MCU: variants seen among roughly 807,000 people sequenced by gnomAD.
The protein encoded by MCU is mitochondrial calcium uniporter.
A neutral mutation model predicts 45.2 loss-of-function variants in MCU; 12 were observed. The ratio of observed to expected loss-of-function variants is 0.27; its 90% CI spans 0.17 to 0.43. MCU has a LOEUF of 0.43. Among genes scored for constraint, MCU ranks in the 20% least tolerant of loss-of-function variants. The pLI, the probability that MCU is intolerant of heterozygous loss-of-function variation, is 1.00. For missense variants in MCU, 324 were observed against 436.7 expected (o/e 0.74, Z 2.30); for synonymous variants, 160 against 165.1 (o/e 0.97, Z 0.24).
chr10:72,696,901 A>G (rs1212879901), intron 1 of MCU, among the ~76,000 whole-genome samples: 1 of 152,064 alleles, frequency 6.6e-6, no homozygotes, highest in Non-Finnish European at 1.5e-5. Context: ...TTGGTTGTAT[A>G]TTACACTTCT....
At chr10:72,770,921 G>T (rs1843797298) in intron 1 of MCU, among the ~76,000 whole-genome samples, 1 of 151,338 alleles carries the variant, frequency 6.6e-6, no homozygotes, top group South Asian at 2.1e-4. Context: ...CTTTGTATTT[G>T]AATTACTTTT....
At chr10:72,772,292 C>T (rs1222236537) in intron 1 of MCU, among the ~76,000 whole-genome samples, 1 of 152,222 alleles carries the variant, frequency 6.6e-6, no homozygotes, top group East Asian at 1.9e-4. Context: ...CTGGGATAAT[C>T]CCTTTGGGAC....
At chr10:72,722,628 G>T (rs560671783) in intron 1 of MCU, among the ~76,000 whole-genome samples, 2 of 151,636 alleles carry the variant, frequency 1.3e-5, no homozygotes, top group Admixed American at 6.6e-5. Context: ...TTTTTCAGGG[G>T]TAACTTTGAC....
At chr10:72,726,831 C>G (rs554484480) in intron 1 of MCU, among the ~76,000 whole-genome samples, 1 of 152,186 alleles carries the variant, frequency 6.6e-6, no homozygotes, top group African/African-American at 2.4e-5. Context: ...ATATAGTCTT[C>G]TTATAGTTGT....
At position 72,823,191 on chromosome 10, in the gene MCU, A is replaced by T. The variant is rs116731117; in HGVS notation, c.151-11168A>T. On this transcript the variant is annotated intron_variant, in intron 1 of 7. Coordinates refer to ENST00000373053, the MANE Select transcript of MCU (RefSeq NM_138357.3). Reference sequence around the variant, plus strand: ...GGAATATTATTTGGCAATAAAAAGGAATTAAGTACCAATATGTGCTACAAC... The same window carrying T: ...GGAATATTATTTGGCAATAAAAAGGTATTAAGTACCAATATGTGCTACAAC... 9.9e-3 allele frequency among the ~76,000 whole-genome samples: 1,506 copies of T among 152,336 alleles called. 26 individuals are homozygous for T. Among genetic ancestry groups the T allele is most frequent in the African/African-American group, 0.035 (1,458 of 41,566 alleles).
intron 2 of MCU, among the ~76,000 whole-genome samples, chr10:72,834,900 C>T (rs1239516751): frequency 6.6e-6 from 1 of 152,186 alleles, no homozygotes; most frequent in Non-Finnish European, 1.5e-5. Flanking sequence ...GATCCGCCCA[C>T]CTCGGCCTCC....
chr10:72,704,704 A>ATTTTTT (rs1162093579), intron 1 of MCU, among the ~76,000 whole-genome samples: 1 of 106,746 alleles, frequency 9.4e-6, no homozygotes, highest in African/African-American at 4.4e-5. Context: ...TGCCTGGATA[A>ATTTTTT]TTTTTTTTTT....
chr10:72,796,041 T>C (rs1349628251), intron 1 of MCU, among the ~76,000 whole-genome samples: 2 of 152,080 alleles, frequency 1.3e-5, no homozygotes, highest in Non-Finnish European at 2.9e-5. Flanking sequence ...TAGAGCTCAC[T>C]GATCCACCAA....
chr10:72,715,122 C>T (rs1221981368), intron 1 of MCU: 1 of 976,656 alleles, frequency 1.0e-6, no homozygotes, highest in Admixed American at 6.2e-5. Context: ...TCTTTCACTA[C>T]CATTCCTACA....
chr10:72,853,899 T>C, intron 2 of MCU, among the ~76,000 whole-genome samples: 1 of 152,052 alleles, frequency 6.6e-6, no homozygotes, highest in Non-Finnish European at 1.5e-5. Flanking sequence ...TTTGGGAGGC[T>C]GAGGCAGGTG....
At chr10:72,823,097 A>G (rs1844739081) in intron 1 of MCU, among the ~76,000 whole-genome samples, 1 of 152,228 alleles carries the variant, frequency 6.6e-6, no homozygotes, top group African/African-American at 2.4e-5. Context: ...TAATAGCTAA[A>G]AAGTGGAAAC....
intron 1 of MCU, among the ~76,000 whole-genome samples, chr10:72,797,367 G>C: frequency 6.6e-6 from 1 of 151,028 alleles, no homozygotes; most frequent in Non-Finnish European, 1.5e-5. Context: ...GGGATTGCAG[G>C]TGTAAACCAC....
intron 1 of MCU, among the ~76,000 whole-genome samples, chr10:72,822,601 A>G (rs1392895480): frequency 6.6e-6 from 1 of 152,352 alleles, no homozygotes; most frequent in South Asian, 2.1e-4. Context: ...AAGATGCTCA[A>G]CATCATTACT....
intron 4 of MCU, among the ~76,000 whole-genome samples, chr10:72,864,315 G>A (rs1053777867): frequency 6.6e-5 from 10 of 152,130 alleles, no homozygotes; most frequent in African/African-American, 2.4e-4. Flanking sequence ...GGACCCATAC[G>A]AAGTGCTACC....
chr10:72,714,368 T>TTA (rs56322032), intron 1 of MCU, among the ~76,000 whole-genome samples: 1 of 138,280 alleles, frequency 7.2e-6, no homozygotes, highest in East Asian at 2.0e-4. Context: ...TTTTTTTTTT[T>TTA]AAAGAGATGG....
At position 72,868,817 on chromosome 10, in the gene MCU, T is replaced by C. The variant is rs1425903115; in HGVS notation, c.611T>C (p.Ile204Thr). The C allele has an allele frequency of 3.7e-6, 6 of 1,614,050 alleles. No individual in the cohort carries two copies. Among genetic ancestry groups the C allele is most frequent in the East Asian group, 2.2e-5 (1 of 44,892 alleles). Residue 204 changes from isoleucine to threonine, a missense_variant, in exon 5 of 8, where the codon ATT becomes ACT. Transcript: ENST00000373053. ...QHQLNKEREL[I>T]ERLEDLKEQL... is the part of the protein sequence containing the mutation. ...CAGTTAAACAAGGAAAGGGAGCTTA[T>C]TGAAAGACTAGAGGATCTCAAAGAG...
At chr10:72,705,878 G>T (rs1842813347) in intron 1 of MCU, among the ~76,000 whole-genome samples, 1 of 152,034 alleles carries the variant, frequency 6.6e-6, no homozygotes, top group African/African-American at 2.4e-5. Context: ...CTACTTGGGA[G>T]GCTGAGGCAG....
At chr10:72,809,727 A>G (rs541039010) in intron 1 of MCU, among the ~76,000 whole-genome samples, 29 of 152,334 alleles carry the variant, frequency 1.9e-4, no homozygotes, top group Non-Finnish European at 2.6e-4. Flanking sequence ...TCCAAACAGA[A>G]TAAGTATGAA....
At chr10:72,823,960 A>G in intron 1 of MCU, among the ~76,000 whole-genome samples, 1 of 152,102 alleles carries the variant, frequency 6.6e-6, no homozygotes, top group East Asian at 1.9e-4. Flanking sequence ...CTGAGGCAGG[A>G]GGATCACTTG....
Sources: allele counts gnomAD v4.1 joint callset (sites outside exome capture counted in the v4.1 genomes callset), GRCh38; gene constraint gnomAD v4.1.1; transcripts MANE v1.5; gene names NCBI Gene and HGNC (gene_info 2026-07-23, HGNC 2026-07-21).